Variants in MYH2 observed in about 807,000 individuals in gnomAD.
MYH2 encodes the protein myosin heavy chain 2.
Under a neutral mutation model 228.1 loss-of-function variants are expected in MYH2, and 139 were observed. The observed-to-expected ratio is 0.61, with a 90% CI of 0.53 to 0.70. The LOEUF is 0.70. Among genes scored for constraint, MYH2 ranks in the 30% least tolerant of loss-of-function variants. The pLI is 0.00. For missense variants in MYH2, 1,809 were observed against 2,357.5 expected (o/e 0.77, Z 4.82); for synonymous variants, 796 against 871.1 (o/e 0.91, Z 1.52).
At position 10,525,876 on chromosome 17, in the gene MYH2, C is replaced by T; in HGVS notation, c.4188G>A (p.Lys1396=). The change falls in exon 31 of 40, where the codon AAG becomes AAA. Residue 1396 remains lysine (K), a splice_region_variant and synonymous_variant. Transcript: ENST00000245503. This position sits in a 1 kb window ranked among gnomAD's most constrained non-coding sequence, Gnocchi z 4.2. ...CCTGCAGCCGCTGGGCCAGCTTCTT[C>T]CTTGAATATTATACATGTTTTCAGA... ...IQRTEELEEA[K]KKLAQRLQAA... 1.2e-6 allele frequency: 2 copies of T among 1,614,024 alleles called. No homozygotes were observed. Among genetic ancestry groups the T allele is most frequent in the Non-Finnish European group, 1.7e-6 (2 of 1,179,918 alleles).
rs927658164 is a variant in MYH2, at chr17:10,527,965, A to T, written c.3745-91T>A. ...TTACTGTAACTTCTCCCCAAAATAA[A>T]AAATACAATATTTATCTTAATATAG... is the stretch of plus-strand genomic sequence containing the variant. On this transcript the variant is annotated intron_variant, in intron 27 of 39. Coordinates refer to ENST00000245503, the MANE Select transcript of MYH2 (RefSeq NM_017534.6). 3 of 1,424,478 alleles carry T rather than the reference A, an allele frequency of 2.1e-6. No homozygotes were observed. The East Asian group carries it at 7.1e-5, about 34-fold the overall frequency. 88.2% of individuals were successfully genotyped at this position (1,424,478 alleles called of 1,614,324 possible). A position where few individuals can be genotyped will look rare whatever the true frequency, so the allele number is the denominator to read the frequency against.
In MYH2 at chr17:10,543,571, T is replaced by C. The variant is rs182273624; in HGVS notation, c.741+140A>G. On this transcript the variant is annotated intron_variant, in intron 8 of 39. Coordinates refer to ENST00000245503, the MANE Select transcript of MYH2 (RefSeq NM_017534.6). ...TCCTTCAAGATGGGGCTTTGATCTATGTTATTACATGCTCAGAGGAAAAGG... is the reference window on the plus strand; with the variant it reads ...TCCTTCAAGATGGGGCTTTGATCTACGTTATTACATGCTCAGAGGAAAAGG... 2,948 of 1,295,856 alleles carry C rather than the reference T, an allele frequency of 2.3e-3. 7 individuals are homozygous for C. Among genetic ancestry groups the C allele is most frequent in the Non-Finnish European group, 2.9e-3 (2,655 of 917,706 alleles). 80.3% of individuals were successfully genotyped at this position (1,295,856 alleles called of 1,614,324 possible).
intron 4 of MYH2, 69 bp from the exon 5 acceptor site, chr17:10,545,571 GA>G: frequency 2.5e-6 from 4 of 1,591,922 alleles, no homozygotes; most frequent in Non-Finnish European, 3.4e-6. Flanking sequence ...CTTATTAATT[GA>G]ATGTTTTTTT....
chr17:10,533,441 C>A lies in MYH2; in HGVS notation c.2305-20G>T. 1.2e-6 allele frequency: 2 copies of A among 1,614,088 alleles called. No individual in the cohort carries two copies. Among genetic ancestry groups the A allele is most frequent in the East Asian group, 4.5e-5 (2 of 44,868 alleles). On this transcript the variant is annotated intron_variant, in intron 20 of 39. Coordinates refer to ENST00000245503, the MANE Select transcript of MYH2 (RefSeq NM_017534.6). ...AAAGACCTGTGAATGGAAAGAGTTG[C>A]AAATCACAAGCTTTAATAAAGTTCA...
Position 10,533,593 on chromosome 17 carries a change from T to C in MYH2, c.2220A>G (p.Gln740=). 6.2e-7 allele frequency: 1 copy of C among 1,614,140 alleles called. No individual in the cohort carries two copies. The highest frequency in any genetic ancestry group is 1.1e-5 in the South Asian group (1 of 91,074). ...VLNASAIPEG[Q]FIDSKKASEK... ...CAGAGGCCTTCTTGCTATCAATGAA[T>C]TGCCCTTCAGGGATTGCACTTGCAT... The change falls in exon 20 of 40, where the codon CAA becomes CAG. Residue 740 remains glutamine (Q), a synonymous_variant. Transcript: ENST00000245503.
rs769767111 is a variant in MYH2 at position 10,547,791 on chromosome 17, T to C, written c.130A>G (p.Lys44Glu). The change falls in exon 3 of 40, where the codon AAA becomes GAA. Residue 44 changes from lysine (K) to glutamate (E), a missense_variant. Coordinates refer to ENST00000245503, the MANE Select transcript of MYH2 (RefSeq NM_017534.6). Reference sequence around the variant, plus strand: ...ATGGTCCCTTTGACAAAGGATTCTTTGGGCTCCGCCACAAAGACAGATGTT... The same window carrying C: ...ATGGTCCCTTTGACAAAGGATTCTTCGGGCTCCGCCACAAAGACAGATGTT... ...AKTSVFVAEPKESFVKGTIQS... is the reference protein window; with the variant it reads ...AKTSVFVAEPEESFVKGTIQS... 12 of 1,614,116 alleles carry C rather than the reference T, an allele frequency of 7.4e-6. No homozygotes were observed. In the East Asian group the frequency reaches 2.0e-4, roughly 27 times the overall value.
rs771618838 is a variant in MYH2 at position 10,523,601 on chromosome 17, C to A, written c.5367G>T (p.Lys1789Asn). ...QDTSAHLERM[K>N]KNMEQTVKDL... is the part of the protein sequence containing the mutation. ...CCTTCACGGTCTGCTCCATGTTCTT[C>A]TTCATCCGCTCCAGGTGGGCGCTGG... The change falls in exon 37 of 40, where the codon AAG becomes AAT. Residue 1789 changes from lysine to asparagine, a missense_variant. Physicochemically the swap from Lys to Asn is moderately conservative, Grantham distance 94. Around this residue, in one of 9 missense-constraint regions of MYH2, gnomAD observed 278 missense variants for 308.5 expected, o/e 0.90. Transcript: ENST00000245503. 1 of 1,614,238 alleles carries A rather than the reference C, an allele frequency of 6.2e-7. No individual in the cohort carries two copies. Among genetic ancestry groups the A allele is most frequent in the Non-Finnish European group, 8.5e-7 (1 of 1,180,048 alleles).
chr17:10,526,721 C>T lies in MYH2; in HGVS notation c.4065G>A (p.Glu1355=), dbSNP rs1356200425. Residue 1355 remains glutamate (E), a synonymous_variant, in exon 30 of 40, where the codon GAG becomes GAA. Transcript: ENST00000245503. ...DCDLLREQYE[E]EQESKAELQR... is the part of the protein sequence containing the mutation. ...GCAGCTCGGCCTTGGATTCCTGCTC[C>T]TCCTCATACTGTTCCCGCAGCAGGT... The T allele has an allele frequency of 1.2e-6, 2 of 1,614,206 alleles. No homozygotes were observed. The highest frequency in any genetic ancestry group is 1.7e-6 in the Non-Finnish European group (2 of 1,180,014).
At chr17:10,530,671 G>C (rs962297599) in intron 22 of MYH2, among the ~76,000 whole-genome samples, 11 of 152,154 alleles carry the variant, frequency 7.2e-5, no homozygotes, top group African/African-American at 2.7e-4. Flanking sequence ...AAATGAAGGA[G>C]ACACTGGAAT....
intron 27 of MYH2, 62 bp from the exon 28 acceptor site, chr17:10,527,936 G>T: frequency 6.4e-7 from 1 of 1,572,684 alleles, no homozygotes; most frequent in Non-Finnish European, 8.7e-7. Context: ...AATCACCTTT[G>T]CAGTTACTGT....
chr17:10,532,934 A>G (rs2073441552), intron 21 of MYH2, among the ~76,000 whole-genome samples: 1 of 152,230 alleles, frequency 6.6e-6, no homozygotes, highest in Non-Finnish European at 1.5e-5. Flanking sequence ...AGCACTCTTG[A>G]GTATACTGTC....
At chr17:10,548,718 T>G (rs1215509441) in intron 2 of MYH2, among the ~76,000 whole-genome samples, 1 of 152,176 alleles carries the variant, frequency 6.6e-6, no homozygotes, top group Non-Finnish European at 1.5e-5. Flanking sequence ...TTCCAAATTT[T>G]CCTTTGAAGC....
Position 10,529,165 on chromosome 17 carries a change from C to A in MYH2, c.3351G>T (p.Leu1117Phe), listed in dbSNP as rs760655197. The A allele has an allele frequency of 6.2e-7, 1 of 1,614,208 alleles. No homozygotes were observed. Among genetic ancestry groups the A allele is most frequent in the Non-Finnish European group, 8.5e-7 (1 of 1,180,044 alleles). Reference protein sequence around the residue: ...GIQLQKKIKELQARIEELEEE... With the variant: ...GIQLQKKIKEFQARIEELEEE... ...CTGATGAAAATCATGTACTTACTTGCAATTCTTTAATTTTCTTCTGCAATT... is the reference window on the plus strand; with the variant it reads ...CTGATGAAAATCATGTACTTACTTGAAATTCTTTAATTTTCTTCTGCAATT... Residue 1117 changes from leucine (L) to phenylalanine (F), a missense_variant, in exon 26 of 40, where the codon TTG becomes TTT. Physicochemically the swap from Leu to Phe is conservative, Grantham distance 22. Coordinates refer to ENST00000245503, the MANE Select transcript of MYH2 (RefSeq NM_017534.6).
intron 39 of MYH2, among the ~76,000 whole-genome samples, chr17:10,521,659 A>G (rs1041660327): frequency 6.6e-6 from 1 of 151,962 alleles, no homozygotes; most frequent in Non-Finnish European, 1.5e-5. Flanking sequence ...CAAAACACAT[A>G]AAATATATGT....
At chr17:10,545,006 C>G (rs75814345) in intron 5 of MYH2, among the ~76,000 whole-genome samples, 1 of 117,920 alleles carries the variant, frequency 8.5e-6, no homozygotes, top group African/African-American at 2.9e-5. Context: ...TGTGATTGTG[C>G]GTGCATGAGT....
At position 10,523,419 on chromosome 17, in the gene MYH2, AT is replaced by A; in HGVS notation, c.5473-8del. ...CTCCTTCCAGCTCCCGTACCTGCAA[AT>A]AAGTAGGCTCTTAAGAACTTTGATC... On this transcript the variant is annotated splice_region_variant and splice_polypyrimidine_tract_variant and intron_variant, in intron 37 of 39. Transcript: ENST00000245503. 6.2e-7 allele frequency: 1 copy of A among 1,614,142 alleles called. No individual in the cohort carries two copies. The highest frequency in any genetic ancestry group is 8.5e-7 in the Non-Finnish European group (1 of 1,180,022).
Position 10,521,222 on chromosome 17 carries a change from G to A in MYH2, c.*58C>T. On this transcript the variant is annotated 3_prime_UTR_variant, in exon 40 of 40. Coordinates refer to ENST00000245503, the MANE Select transcript of MYH2 (RefSeq NM_017534.6). ...ATACACAATAATTACAGAGGGAAAT[G>A]ACCAAAGATGTCACATTTTGTGCCT... 1 of 1,589,362 alleles carries A rather than the reference G, an allele frequency of 6.3e-7. No homozygotes were observed. The highest frequency in any genetic ancestry group is 8.6e-7 in the Non-Finnish European group (1 of 1,159,406).
At chr17:10,533,676 C>T in intron 19 of MYH2, 44 bp from the exon 20 acceptor site, 1 of 1,602,732 alleles carries the variant, frequency 6.2e-7, no homozygotes, top group African/African-American at 1.3e-5. Context: ...TTACTGATGA[C>T]ACAAATGCTA....
intron 2 of MYH2, 73 bp from the exon 3 acceptor site, chr17:10,548,013 T>A (rs969435429): frequency 2.3e-5 from 30 of 1,291,204 alleles, no homozygotes; most frequent in Non-Finnish European, 2.9e-5. Context: ...ATATTTATTG[T>A]ATTTCATAGG....
Sources: allele counts gnomAD v4.1 joint callset (sites outside exome capture counted in the v4.1 genomes callset), GRCh38; gene constraint gnomAD v4.1.1; regional missense constraint gnomAD v4.1.1; non-coding constraint Gnocchi (gnomAD v3.1); transcripts MANE v1.5; gene names NCBI Gene and HGNC (gene_info 2026-07-23, HGNC 2026-07-21).